The following CNTNAP5 variants were observed in gnomAD, a reference collection of about 807,000 sequenced individuals.
The protein encoded by CNTNAP5 is contactin-associated protein-like 5.
Under a neutral mutation model 150.2 loss-of-function variants are expected in CNTNAP5, and 72 were observed. The observed-to-expected ratio is 0.48, with a 90% CI of 0.40 to 0.58. CNTNAP5 has a LOEUF of 0.58. Ranked by LOEUF, CNTNAP5 falls within the 20% of genes least tolerant of loss-of-function variation. The probability of loss-of-function intolerance (pLI) is 0.00; values close to 1 mark genes in which losing one functional copy is unlikely to be tolerated. For missense variants in CNTNAP5, 1,636 were observed against 1,626.2 expected (o/e 1.01, Z -0.10); for synonymous variants, 672 against 619.8 (o/e 1.08, Z -1.25).
At chr2:124,601,335 A>G (rs186094057) in intron 11 of CNTNAP5, among the ~76,000 whole-genome samples, 4 of 152,328 alleles carry the variant, frequency 2.6e-5, no homozygotes, top group African/African-American at 7.2e-5. Flanking sequence ...GACAAAAGAC[A>G]CTAACGTGAG....
chr2:124,332,821 T>C (rs1689381710), intron 3 of CNTNAP5, among the ~76,000 whole-genome samples: 1 of 152,154 alleles, frequency 6.6e-6, no homozygotes, highest in African/African-American at 2.4e-5. Flanking sequence ...ATAAAAGTTG[T>C]GTGTCTGTAT....
chr2:124,730,224 G>A (rs1350505016), intron 13 of CNTNAP5, among the ~76,000 whole-genome samples: 5 of 151,976 alleles, frequency 3.3e-5, no homozygotes, highest in East Asian at 3.9e-4. Context: ...GGTAAAAAAT[G>A]TGTCTTTAGG....
intron 1 of CNTNAP5, among the ~76,000 whole-genome samples, chr2:124,139,870 T>G (rs978614765): frequency 6.6e-6 from 1 of 152,162 alleles, no homozygotes; most frequent in African/African-American, 2.4e-5. Context: ...CATTTCCATC[T>G]GAGGTACCGG....
At chr2:124,147,207 C>T (rs1350559254) in intron 1 of CNTNAP5, among the ~76,000 whole-genome samples, 1 of 152,098 alleles carries the variant, frequency 6.6e-6, no homozygotes, top group African/African-American at 2.4e-5. Flanking sequence ...ATGAGAGCCT[C>T]AGCCAGAACA....
intron 1 of CNTNAP5, among the ~76,000 whole-genome samples, chr2:124,060,352 G>C (rs1444119391): frequency 6.6e-6 from 1 of 152,176 alleles, no homozygotes; most frequent in Non-Finnish European, 1.5e-5. Context: ...AAAACAGCTG[G>C]AGGTGGCAAC....
At chr2:124,287,221 T>C (rs901598723) in intron 3 of CNTNAP5, among the ~76,000 whole-genome samples, 1 of 152,164 alleles carries the variant, frequency 6.6e-6, no homozygotes, top group African/African-American at 2.4e-5. Context: ...TTGAGGTAGG[T>C]GGTCTCATTA....
At chr2:124,067,000 A>G (rs1296579355) in intron 1 of CNTNAP5, among the ~76,000 whole-genome samples, 1 of 152,164 alleles carries the variant, frequency 6.6e-6, no homozygotes, top group Non-Finnish European at 1.5e-5. Flanking sequence ...TCAAGACCAC[A>G]TTGCAACTCT....
rs905250007 is a variant in CNTNAP5, at chr2:124,630,147, A to G, written c.1877-17611A>G. Among the ~76,000 whole-genome samples, 5 of 152,138 alleles carry G rather than the reference A, an allele frequency of 3.3e-5. No homozygotes were observed. The East Asian group carries it at 9.6e-4, about 29-fold the overall frequency. ...TATAGCTGAACTCTACCAGAGGTAC[A>G]AAGAGGAGCCGGTACCATTTCTTCT... On this transcript the variant is annotated intron_variant, in intron 12 of 23. Transcript: ENST00000682447.
chr2:124,501,190 T>C (rs750550268), intron 7 of CNTNAP5, among the ~76,000 whole-genome samples: 1 of 152,228 alleles, frequency 6.6e-6, no homozygotes, highest in Non-Finnish European at 1.5e-5. Context: ...GCATACTTTG[T>C]ACCAATTACA....
intron 3 of CNTNAP5, among the ~76,000 whole-genome samples, chr2:124,389,072 T>G (rs1416441599): frequency 6.6e-6 from 1 of 152,200 alleles, no homozygotes; most frequent in Non-Finnish European, 1.5e-5. Flanking sequence ...TTTAAAAATC[T>G]TATTTCAATG....
At chr2:124,501,211 G>A (rs1169601761) in intron 7 of CNTNAP5, among the ~76,000 whole-genome samples, 1 of 152,174 alleles carries the variant, frequency 6.6e-6, no homozygotes, top group Non-Finnish European at 1.5e-5. Flanking sequence ...GTAAATTAGA[G>A]TAAGTACATA....
chr2:124,134,123 G>T (rs1683922615), intron 1 of CNTNAP5, among the ~76,000 whole-genome samples: 1 of 152,038 alleles, frequency 6.6e-6, no homozygotes, highest in South Asian at 2.1e-4. Flanking sequence ...ACCCAATTCT[G>T]GTGTCACTCA....
chr2:124,402,997 C>T (rs1445107035), intron 3 of CNTNAP5, among the ~76,000 whole-genome samples: 1 of 152,180 alleles, frequency 6.6e-6, no homozygotes, highest in Non-Finnish European at 1.5e-5. Flanking sequence ...TCAATTTTAG[C>T]TTTAAGTCTG....
chr2:124,888,406 A>G (rs995708007), intron 21 of CNTNAP5, among the ~76,000 whole-genome samples: 1 of 152,184 alleles, frequency 6.6e-6, no homozygotes, highest in Non-Finnish European at 1.5e-5. Context: ...TATAATGAAC[A>G]TATGAGCACA....
chr2:124,550,148 T>C (rs562911864), intron 10 of CNTNAP5, among the ~76,000 whole-genome samples: 1 of 152,202 alleles, frequency 6.6e-6, no homozygotes, highest in African/African-American at 2.4e-5. Flanking sequence ...TCATGACACA[T>C]TTGAAAACGA....
Position 124,809,361 on chromosome 2 carries a change from C to A in CNTNAP5, c.3217+11041C>A, listed in dbSNP as rs1477035247. Among the ~76,000 whole-genome samples, 106 of 150,894 alleles carry A rather than the reference C, an allele frequency of 7.0e-4. 2 individuals are homozygous for A. Among genetic ancestry groups the A allele is most frequent in the Non-Finnish European group, 2.2e-4 (15 of 67,812 alleles). On this transcript the variant is annotated intron_variant, in intron 19 of 23. Transcript: ENST00000682447. ...TCAGCTAGATAGGATAATATATAAA[C>A]CCATAAAACAATAATATGGTATTTA...
At chr2:124,611,941 G>T (rs940170105) in intron 12 of CNTNAP5, among the ~76,000 whole-genome samples, 5 of 152,112 alleles carry the variant, frequency 3.3e-5, no homozygotes, top group African/African-American at 1.2e-4. Flanking sequence ...TCCATCTAAC[G>T]TAGAAGGGAA....
Position 124,182,416 on chromosome 2 carries a change from CGGATGACAAAACTGAGACTCAGGAAGCG to C in CNTNAP5, c.83-39287_83-39260del, listed in dbSNP as rs781133310. Among the ~76,000 whole-genome samples the C allele has an allele frequency of 4.6e-3, 693 of 152,190 alleles. 5 individuals are homozygous for C. Among genetic ancestry groups the C allele is most frequent in the Middle Eastern group, 0.01 (3 of 294 alleles). ...CAAGGGATTGATTGTCCCAATTTTA[CGGATGACAAAACTGAGACTCAGGAAGCG>C]GAAGTAACTTGCCAAAGCTCACACA... On this transcript the variant is annotated intron_variant, in intron 1 of 23. Transcript: ENST00000682447.
intron 13 of CNTNAP5, among the ~76,000 whole-genome samples, chr2:124,657,506 C>T (rs1678484181): frequency 6.6e-6 from 1 of 152,176 alleles, no homozygotes; most frequent in Admixed American, 6.5e-5. Context: ...TAGACAAGTG[C>T]AGTAGATTCC....
Sources: gnomAD v4.1 joint callset for allele counts (sites outside exome capture counted in the v4.1 genomes callset) on GRCh38, gnomAD v4.1.1 for gene constraint, MANE v1.5 for transcripts, NCBI Gene and HGNC (gene_info 2026-07-23, HGNC 2026-07-21) for gene names.